VWC2: variants seen among roughly 807,000 people sequenced by gnomAD.
The protein encoded by VWC2 is brorin.
In VWC2, 14 loss-of-function variants were observed where a neutral mutation model predicts 29.8. The observed-to-expected ratio is 0.47, with a 90% CI of 0.31 to 0.74. The LOEUF is 0.74. Among genes scored for constraint, VWC2 ranks in the 30% least tolerant of loss-of-function variants. The probability of loss-of-function intolerance (pLI) is 0.05; values close to 1 mark genes in which losing one functional copy is unlikely to be tolerated. For synonymous variants in VWC2, 213 were observed against 199.0 expected, an observed-to-expected ratio of 1.07 and a Z score of -0.59; for missense variants, 457 against 459.8, an observed-to-expected ratio of 0.99 and a Z score of 0.05.
Position 49,775,879 on chromosome 7 carries a change from G to T in VWC2, c.444G>T (p.Pro148=). Reference sequence around the variant, plus strand: ...AGCCACCCGAGGAGTACGTGTACCCGGACTACCGTGGCAAGGGCTGCGTGG... The same window carrying T: ...AGCCACCCGAGGAGTACGTGTACCCTGACTACCGTGGCAAGGGCTGCGTGG... The part of the protein sequence containing the change: ...TPEPPEEYVY[P]DYRGKGCVDE... Residue 148 remains proline (P), a synonymous_variant, in exon 2 of 4, where the codon CCG becomes CCT. Coordinates refer to ENST00000340652, the MANE Select transcript of VWC2 (RefSeq NM_198570.5). 1 of 1,557,818 alleles carries T rather than the reference G, an allele frequency of 6.4e-7. No homozygotes were observed.
chr7:49,810,451 A>G (rs1208096177), intron 3 of VWC2, among the ~76,000 whole-genome samples: 1 of 152,152 alleles, frequency 6.6e-6, no homozygotes, highest in Admixed American at 6.5e-5. Flanking sequence ...TCAAGATGTT[A>G]GTTCTTCCCA....
At chr7:49,802,568 A>G (rs1788765797) in intron 2 of VWC2, 143 bp from the exon 3 acceptor site, 3 of 1,129,310 alleles carry the variant, frequency 2.7e-6, no homozygotes, top group Admixed American at 4.3e-5. Context: ...AACTCGGGAA[A>G]CAGAGGTTGC....
At chr7:49,807,728 G>T (rs946826076) in intron 3 of VWC2, among the ~76,000 whole-genome samples, 1 of 152,112 alleles carries the variant, frequency 6.6e-6, no homozygotes, top group Non-Finnish European at 1.5e-5. Context: ...AAGGTTAAAA[G>T]AACATTAAAA....
At chr7:49,813,004 A>AT (rs1439556230) in intron 3 of VWC2, among the ~76,000 whole-genome samples, 4 of 152,172 alleles carry the variant, frequency 2.6e-5, no homozygotes, top group African/African-American at 9.7e-5. Flanking sequence ...CTGGTTATAG[A>AT]TTTTTTGTAC....
chr7:49,852,600 A>C (rs147085538), intron 3 of VWC2, among the ~76,000 whole-genome samples: 251 of 151,914 alleles, frequency 1.7e-3, no homozygotes, highest in Middle Eastern at 6.8e-3. Context: ...CTTTTTGAGA[A>C]GTGATGTTTG....
rs1396349860 is a variant in VWC2, at chr7:49,920,707, T to C, written c.*8522T>C. 1 of 127,220 alleles carries C rather than the reference T, an allele frequency of 7.9e-6. No homozygotes were observed. Among genetic ancestry groups the C allele is most frequent in the Non-Finnish European group, 1.7e-5 (1 of 60,526 alleles). 7.9% of individuals were successfully genotyped at this position (127,220 alleles called of 1,614,324 possible). A position where few individuals can be genotyped will look rare whatever the true frequency, so the allele number is the denominator to read the frequency against. On this transcript the variant is annotated 3_prime_UTR_variant, in exon 4 of 4. Transcript: ENST00000340652. ...TAAAACACATATGTATTTAATTGTG[T>C]TATTTACTATTTATAATTTGAATTG...
At chr7:49,777,561 A>C (rs1396524794) in intron 2 of VWC2, among the ~76,000 whole-genome samples, 3 of 152,186 alleles carry the variant, frequency 2.0e-5, no homozygotes, top group East Asian at 1.9e-4. Flanking sequence ...CCCTAGGCTC[A>C]TGTAGCAAAA....
intron 3 of VWC2, among the ~76,000 whole-genome samples, chr7:49,892,068 G>C (rs528084152): frequency 3.2e-4 from 36 of 114,192 alleles, no homozygotes; most frequent in Non-Finnish European, 5.4e-4. Context: ...TTTTTGAGAC[G>C]GAGTCTCGCT....
intron 3 of VWC2, among the ~76,000 whole-genome samples, chr7:49,864,109 T>C (rs1253193011): frequency 2.0e-5 from 3 of 152,182 alleles, no homozygotes; most frequent in Non-Finnish European, 2.9e-5. Context: ...CTGTGATTGT[T>C]TGTCTGTTTT....
intron 3 of VWC2, among the ~76,000 whole-genome samples, chr7:49,852,931 G>A (rs1205128624): frequency 6.6e-6 from 1 of 152,234 alleles, no homozygotes; most frequent in Non-Finnish European, 1.5e-5. Flanking sequence ...AAGAATGAGT[G>A]TGGAGAAGTT....
rs78159182 is a variant in VWC2 at position 49,895,030 on chromosome 7, T to C, written c.827-17004T>C. 6.4e-4 allele frequency among the ~76,000 whole-genome samples: 97 copies of C among 152,322 alleles called. 1 individual carries two copies. The East Asian group carries it at 0.018, about 29-fold the overall frequency. On this transcript the variant is annotated intron_variant, in intron 3 of 3. Transcript: ENST00000340652. The stretch of plus-strand genomic sequence containing the variant: ...TTCTGATACTATATGTCTAAGTCCA[T>C]TCATGCTACTATAACAAAATACCAC...
At chr7:49,866,465 C>T (rs770201629) in intron 3 of VWC2, among the ~76,000 whole-genome samples, 3 of 152,228 alleles carry the variant, frequency 2.0e-5, no homozygotes, top group Non-Finnish European at 2.9e-5. Flanking sequence ...ACCCTGCAGG[C>T]AAGCCCTTTG....
In VWC2 at chr7:49,920,123, A is replaced by G. The variant is rs1793954276; in HGVS notation, c.*7938A>G. 1 of 152,212 alleles carries G rather than the reference A, an allele frequency of 6.6e-6. No homozygotes were observed. The highest frequency in any genetic ancestry group is 6.5e-5 in the Admixed American group (1 of 15,272). 9.4% of individuals were successfully genotyped at this position (152,212 alleles called of 1,614,324 possible). ...TAACCAGGAGAGAAAATAAAAGGAG[A>G]CATTAATTTGGATATGGAAGCAAAA... is the stretch of plus-strand genomic sequence containing the variant. On this transcript the variant is annotated 3_prime_UTR_variant, in exon 4 of 4. Coordinates refer to ENST00000340652, the MANE Select transcript of VWC2 (RefSeq NM_198570.5).
At chr7:49,817,007 T>C (rs1201336773) in intron 3 of VWC2, among the ~76,000 whole-genome samples, 2 of 152,216 alleles carry the variant, frequency 1.3e-5, no homozygotes, top group Non-Finnish European at 2.9e-5. Flanking sequence ...AAATTGAGTT[T>C]CTTAAAGGTA....
chr7:49,774,771 C>T (rs1412099070), intron 1 of VWC2, among the ~76,000 whole-genome samples: 2 of 152,190 alleles, frequency 1.3e-5, no homozygotes, highest in Non-Finnish European at 2.9e-5. Flanking sequence ...GCTCCCGAGA[C>T]GGGAGTCTTT....
intron 3 of VWC2, among the ~76,000 whole-genome samples, chr7:49,867,575 C>G (rs1790955037): frequency 6.6e-6 from 1 of 152,174 alleles, no homozygotes; most frequent in African/African-American, 2.4e-5. Flanking sequence ...AAAGGCTACA[C>G]AGAGGACACA....
intron 3 of VWC2, among the ~76,000 whole-genome samples, chr7:49,836,673 TA>T (rs1789671625): frequency 1.4e-5 from 2 of 143,740 alleles, no homozygotes; most frequent in African/African-American, 2.5e-5. Flanking sequence ...AATAAATAAA[TA>T]AATAAATACA....
rs745403154 is a variant in VWC2 at position 49,913,415 on chromosome 7, G to A, written c.*1230G>A. On this transcript the variant is annotated 3_prime_UTR_variant, in exon 4 of 4. Transcript: ENST00000340652. ...ACCTTTATCAATCATATCAGCATGC[G>A]GTGTGTTGATGAAAGAGGTAATTGG... 2.6e-5 allele frequency: 4 copies of A among 152,080 alleles called. No homozygotes were observed. Among genetic ancestry groups the A allele is most frequent in the South Asian group, 2.1e-4 (1 of 4,824 alleles). The allele number at this position is 152,080 out of a possible 1,614,324, so 9.4% of individuals were successfully genotyped here.
At chr7:49,807,362 C>A (rs1356969723) in intron 3 of VWC2, among the ~76,000 whole-genome samples, 1 of 152,144 alleles carries the variant, frequency 6.6e-6, no homozygotes, top group African/African-American at 2.4e-5. Context: ...AACAACAAAG[C>A]TGGAAAATGT....
Sources: gnomAD v4.1 joint callset for allele counts (sites outside exome capture counted in the v4.1 genomes callset) on GRCh38, gnomAD v4.1.1 for gene constraint, MANE v1.5 for transcripts, NCBI Gene and HGNC (gene_info 2026-07-23, HGNC 2026-07-21) for gene names.